The following UBTD2 variants were observed in gnomAD, a reference collection of about 807,000 sequenced individuals.
UBTD2 encodes the protein ubiquitin domain containing 2.
In UBTD2, 9 loss-of-function variants were observed where a neutral mutation model predicts 19.8. The ratio of observed to expected loss-of-function variants is 0.46; its 90% CI spans 0.27 to 0.79. The LOEUF is 0.79. Among genes scored for constraint, UBTD2 ranks in the 30% least tolerant of loss-of-function variants. The pLI, the probability that UBTD2 is intolerant of heterozygous loss-of-function variation, is 0.14. For synonymous variants in UBTD2, 98 were observed against 103.9 expected (o/e 0.94, Z 0.35); for missense variants, 250 against 300.4 (o/e 0.83, Z 1.24).
At chr5:172,237,613 T>C (rs1409981937) in intron 1 of UBTD2, among the ~76,000 whole-genome samples, 4 of 152,224 alleles carry the variant, frequency 2.6e-5, no homozygotes, top group Non-Finnish European at 5.9e-5. Context: ...AATCTGAGGC[T>C]TGAAGCTTCA....
intron 1 of UBTD2, among the ~76,000 whole-genome samples, chr5:172,277,067 C>CAAAAA (rs56277139): frequency 8.1e-4 from 53 of 65,110 alleles, no homozygotes; most frequent in Non-Finnish European, 1.2e-3. Flanking sequence ...GACTCTGTCT[C>CAAAAA]AAAAAAAAAA....
In UBTD2 at chr5:172,211,927, T is replaced by C. The variant is rs1267108330; in HGVS notation, c.608A>G (p.Asp203Gly). Residue 203 changes from aspartate to glycine, a missense_variant, in exon 3 of 3, where the codon GAC becomes GGC. Transcript: ENST00000393792. ...CTTCAGCTCTTCGAACTTCATTTTG[T>C]CAGTGAGAGGTCTGCCAGAAAAAAA... ...RWFFSGRPLTDKMKFEELKIP... is the reference protein window; with the variant it reads ...RWFFSGRPLTGKMKFEELKIP... 1 of 1,614,058 alleles carries C rather than the reference T, an allele frequency of 6.2e-7. No individual in the cohort carries two copies. The highest frequency in any genetic ancestry group is 8.5e-7 in the Non-Finnish European group (1 of 1,180,032).
intron 1 of UBTD2, among the ~76,000 whole-genome samples, chr5:172,245,642 G>A (rs984132796): frequency 2.0e-5 from 3 of 151,758 alleles, no homozygotes; most frequent in Non-Finnish European, 4.4e-5. Context: ...AACCCTGGAG[G>A]CAGAGGCTGC....
At chr5:172,270,055 C>T (rs13182552) in intron 1 of UBTD2, among the ~76,000 whole-genome samples, 8 of 150,606 alleles carry the variant, frequency 5.3e-5, no homozygotes, top group Admixed American at 4.6e-4. Context: ...CCAGCCTGGG[C>T]GACAGAGCAA....
rs1465848021 is a variant in UBTD2, at chr5:172,211,579, T to A, written c.*251A>T. 1 of 396,658 alleles carries A rather than the reference T, an allele frequency of 2.5e-6. No individual in the cohort carries two copies. Among genetic ancestry groups the A allele is most frequent in the Non-Finnish European group, 4.5e-6 (1 of 223,534 alleles). The allele number at this position is 396,658 out of a possible 1,614,324, so 24.6% of individuals were successfully genotyped here. A position where few individuals can be genotyped will look rare whatever the true frequency, so the allele number is the denominator to read the frequency against. ...TGTTGAGTGTTCTAAAATAAATGGT[T>A]ATCTATTTCTTAACTGCCTTTCAAA... is the stretch of plus-strand genomic sequence containing the variant. On this transcript the variant is annotated 3_prime_UTR_variant, in exon 3 of 3. Coordinates refer to ENST00000393792, the MANE Select transcript of UBTD2 (RefSeq NM_152277.3).
intron 1 of UBTD2, among the ~76,000 whole-genome samples, chr5:172,271,309 G>A (rs1045736680): frequency 6.6e-6 from 1 of 151,852 alleles, no homozygotes; most frequent in Admixed American, 6.6e-5. Context: ...GGCGCTTGTA[G>A]TCCCAGCTAC....
intron 1 of UBTD2, among the ~76,000 whole-genome samples, chr5:172,277,752 G>C (rs961430923): frequency 6.7e-6 from 1 of 149,714 alleles, no homozygotes; most frequent in Non-Finnish European, 1.5e-5. Context: ...GGACACCATC[G>C]AGAGAATGAA....
chr5:172,267,442 T>G (rs2113113473), intron 1 of UBTD2, among the ~76,000 whole-genome samples: 1 of 152,338 alleles, frequency 6.6e-6, no homozygotes, highest in East Asian at 1.9e-4. Context: ...CGTAAAACTG[T>G]ACAAGTGAGC....
At position 172,221,568 on chromosome 5, in the gene UBTD2, C is replaced by T. The variant is rs537518257; in HGVS notation, c.308-9341G>A. The stretch of plus-strand genomic sequence containing the variant: ...AAAACACATGGCGAAAACTTAAATG[C>T]ATATTAGTTAACTGAAAGAAGATAG... On this transcript the variant is annotated intron_variant, in intron 2 of 2. Coordinates refer to ENST00000393792, the MANE Select transcript of UBTD2 (RefSeq NM_152277.3). 5.3e-5 allele frequency among the ~76,000 whole-genome samples: 8 copies of T among 152,142 alleles called. No homozygotes were observed. In the South Asian group the frequency reaches 1.5e-3, roughly 28 times the overall value.
At chr5:172,213,001 T>C (rs868290581) in intron 2 of UBTD2, among the ~76,000 whole-genome samples, 6 of 148,732 alleles carry the variant, frequency 4.0e-5, no homozygotes, top group Admixed American at 6.8e-5. Flanking sequence ...ACTTCTTTCT[T>C]TCTTTTTGAG....
intron 1 of UBTD2, among the ~76,000 whole-genome samples, chr5:172,243,205 G>A (rs1350275149): frequency 1.3e-5 from 2 of 148,762 alleles, no homozygotes; most frequent in Non-Finnish European, 3.0e-5. Context: ...ACCCTGTAAA[G>A]AATAAGACAT....
intron 2 of UBTD2, among the ~76,000 whole-genome samples, chr5:172,227,695 CTTTTTT>C (rs1164255222): frequency 1.4e-5 from 1 of 72,164 alleles, no homozygotes. Context: ...ATGAAAAATT[CTTTTTT>C]TTTTTTTTTT....
intron 2 of UBTD2, among the ~76,000 whole-genome samples, chr5:172,230,255 C>T (rs769459908): frequency 2.6e-5 from 4 of 152,070 alleles, no homozygotes; most frequent in Non-Finnish European, 5.9e-5. Context: ...TTGTTATTAA[C>T]AGAGGAAGAT....
rs1217959445 is a variant in UBTD2, at chr5:172,283,190, C to T, written c.70+406G>A. Reference sequence around the variant, plus strand: ...CAAGGAAGGGTGCGGAAAGATGTGGCGGGGCCCGTCGGAGGGAACGCATCA... The same window carrying T: ...CAAGGAAGGGTGCGGAAAGATGTGGTGGGGCCCGTCGGAGGGAACGCATCA... On this transcript the variant is annotated intron_variant, in intron 1 of 2. Coordinates refer to ENST00000393792, the MANE Select transcript of UBTD2 (RefSeq NM_152277.3). The surrounding 1 kb of genome is among the most constrained non-coding windows in gnomAD (Gnocchi z 4.3). Among the ~76,000 whole-genome samples the T allele has an allele frequency of 5.9e-5, 9 of 152,140 alleles. No individual in the cohort carries two copies. The highest frequency in any genetic ancestry group is 3.9e-4 in the Admixed American group (6 of 15,266).
intron 2 of UBTD2, among the ~76,000 whole-genome samples, chr5:172,223,415 A>G (rs1771690677): frequency 6.6e-6 from 1 of 151,942 alleles, no homozygotes; most frequent in Non-Finnish European, 1.5e-5. Flanking sequence ...CCAGCCTAAC[A>G]TGGTGAAATC....
At chr5:172,234,387 A>C in intron 1 of UBTD2, 29 bp from the exon 2 acceptor site, 1 of 1,582,570 alleles carries the variant, frequency 6.3e-7, no homozygotes, top group East Asian at 2.2e-5. Flanking sequence ...GACTGAGATC[A>C]AACCCAAAAT....
chr5:172,247,519 A>C (rs963797823), intron 1 of UBTD2, among the ~76,000 whole-genome samples: 1 of 152,172 alleles, frequency 6.6e-6, no homozygotes, highest in Non-Finnish European at 1.5e-5. Flanking sequence ...CAAACAAAAA[A>C]CAACCACCAC....
chr5:172,273,083 T>C (rs1755529620), intron 1 of UBTD2, among the ~76,000 whole-genome samples: 1 of 111,530 alleles, frequency 9.0e-6, no homozygotes, highest in African/African-American at 3.5e-5. Flanking sequence ...TCTCTCCGTC[T>C]CAAAAAAAAA....
intron 1 of UBTD2, among the ~76,000 whole-genome samples, chr5:172,235,968 A>G (rs1016331161): frequency 2.0e-5 from 3 of 152,380 alleles, no homozygotes; most frequent in African/African-American, 7.2e-5. Flanking sequence ...CCAATTTTAA[A>G]GAAATCACTC....
Sources: allele counts gnomAD v4.1 joint callset (sites outside exome capture counted in the v4.1 genomes callset), GRCh38; gene constraint gnomAD v4.1.1; non-coding constraint Gnocchi (gnomAD v3.1); transcripts MANE v1.5; gene names NCBI Gene and HGNC (gene_info 2026-07-23, HGNC 2026-07-21).